SLC41A3: variants seen among roughly 807,000 people sequenced by gnomAD.
The protein encoded by SLC41A3 is SLC41A1-like 2.
In SLC41A3, 44 loss-of-function variants were observed where a neutral mutation model predicts 45.4. The ratio of observed to expected loss-of-function variants is 0.97; its 90% CI spans 0.76 to 1.25. SLC41A3 has a LOEUF of 1.25. Ranked by LOEUF, SLC41A3 falls within the 50% of genes most tolerant of loss-of-function variation. The pLI is 0.00. For synonymous variants in SLC41A3, 256 were observed against 252.4 expected (o/e 1.01, Z -0.13); for missense variants, 550 against 600.6 (o/e 0.92, Z 0.88).
intron 2 of SLC41A3, chr3:126,056,566 A>C: frequency 1.2e-6 from 2 of 1,611,394 alleles, no homozygotes; most frequent in South Asian, 2.2e-5. Flanking sequence ...CAGGCAATGC[A>C]CCACGATCCC....
chr3:126,092,582 C>G (rs949430706), intron 1 of SLC41A3: 2 of 152,886 alleles, frequency 1.3e-5, no homozygotes, highest in Non-Finnish European at 2.9e-5. Flanking sequence ...GGGTTAGAGT[C>G]TCCCCGACTG....
At chr3:126,101,175 C>T (rs889846871) in intron 1 of SLC41A3, among the ~76,000 whole-genome samples, 3 of 152,190 alleles carry the variant, frequency 2.0e-5, no homozygotes, top group Non-Finnish European at 2.9e-5. Context: ...TTCCAGCCAG[C>T]CCGGGGAGGG....
intron 6 of SLC41A3, among the ~76,000 whole-genome samples, chr3:126,022,396 G>A (rs1397611995): frequency 6.6e-6 from 1 of 152,212 alleles, no homozygotes; most frequent in African/African-American, 2.4e-5. Context: ...GGTTGTGGAG[G>A]CTGAAGAACC....
At chr3:126,091,079 C>A (rs1222715574) in intron 1 of SLC41A3, among the ~76,000 whole-genome samples, 1 of 152,104 alleles carries the variant, frequency 6.6e-6, no homozygotes, top group Admixed American at 6.5e-5. Flanking sequence ...TCTCACAGGG[C>A]CACATGGAAC....
intron 1 of SLC41A3, among the ~76,000 whole-genome samples, chr3:126,072,720 A>G (rs1944686148): frequency 6.6e-6 from 1 of 152,224 alleles, no homozygotes; most frequent in Non-Finnish European, 1.5e-5. Context: ...GTGATTTCTC[A>G]AAGAACTTAA....
At chr3:126,020,265 T>G (rs900489368) in intron 6 of SLC41A3, among the ~76,000 whole-genome samples, 1 of 152,068 alleles carries the variant, frequency 6.6e-6, no homozygotes, top group Non-Finnish European at 1.5e-5. Context: ...GCCTGTCCCC[T>G]GAAACGATTC....
chr3:126,059,807 G>T (rs951903374), intron 2 of SLC41A3, among the ~76,000 whole-genome samples: 1 of 152,184 alleles, frequency 6.6e-6, no homozygotes, highest in Non-Finnish European at 1.5e-5. Context: ...AGAGTCCTCT[G>T]TCTTTAAGGC....
chr3:126,033,513 G>A (rs1941955647), intron 4 of SLC41A3, 94 bp downstream of exon 4: 2 of 1,353,160 alleles, frequency 1.5e-6, no homozygotes, highest in South Asian at 1.2e-5. Context: ...AGGCCAGAGT[G>A]CAGGGACAAG....
intron 2 of SLC41A3, among the ~76,000 whole-genome samples, chr3:126,060,018 A>G (rs1943970032): frequency 6.6e-6 from 1 of 152,244 alleles, no homozygotes; most frequent in African/African-American, 2.4e-5. Context: ...CCTCATCAGC[A>G]CAGGAGACGC....
chr3:126,033,886 G>T (rs763665665), intron 3 of SLC41A3, among the ~76,000 whole-genome samples: 1 of 151,926 alleles, frequency 6.6e-6, no homozygotes, highest in Non-Finnish European at 1.5e-5. Context: ...AGACCCCTTT[G>T]AGAACTGGAT....
chr3:126,070,331 G>A (rs1184951374), intron 1 of SLC41A3: 1 of 152,264 alleles, frequency 6.6e-6, no homozygotes, highest in African/African-American at 2.4e-5. Context: ...GGCAGCATCA[G>A]ATCCTCATAG....
rs550385179 is a variant in SLC41A3 at position 126,067,716 on chromosome 3, G to A, written c.273+231C>T. ...AAGGGAAATGATTAAGTAAATTTTGGTCTACATCAATCATATGGGCTAATA... is the reference window on the plus strand; with the variant it reads ...AAGGGAAATGATTAAGTAAATTTTGATCTACATCAATCATATGGGCTAATA... On this transcript the variant is annotated intron_variant, in intron 2 of 10. Coordinates refer to ENST00000360370, the MANE Select transcript of SLC41A3 (RefSeq NM_017836.4). The A allele has an allele frequency of 1.1e-3, 667 of 587,648 alleles. 10 individuals are homozygous for A. The South Asian group carries it at 0.014, about 12-fold the overall frequency. The allele number at this position is 587,648 out of a possible 1,614,324, so 36.4% of individuals were successfully genotyped here. A position where few individuals can be genotyped will look rare whatever the true frequency, so the allele number is the denominator to read the frequency against.
At chr3:126,080,521 T>C (rs1279945874) in intron 1 of SLC41A3, among the ~76,000 whole-genome samples, 2 of 152,204 alleles carry the variant, frequency 1.3e-5, no homozygotes, top group African/African-American at 4.8e-5. Flanking sequence ...TCCCACCCCA[T>C]TTTAAATGGC....
intron 1 of SLC41A3, 86 bp from the exon 2 acceptor site, chr3:126,068,332 C>CA (rs75194127): frequency 5.3e-6 from 7 of 1,308,550 alleles, no homozygotes; most frequent in Non-Finnish European, 7.0e-6. Flanking sequence ...CCTGTCCAGC[C>CA]CCAGGCCGGC....
chr3:126,051,565 A>C (rs77770437), intron 2 of SLC41A3, among the ~76,000 whole-genome samples: 1 of 152,238 alleles, frequency 6.6e-6, no homozygotes, highest in Admixed American at 6.5e-5. Flanking sequence ...TTTTAAAAAC[A>C]GATAGAATAT....
chr3:126,055,414 T>C (rs1398270985), intron 2 of SLC41A3, among the ~76,000 whole-genome samples: 1 of 151,920 alleles, frequency 6.6e-6, no homozygotes, highest in African/African-American at 2.4e-5. Context: ...ACTTGGGAGC[T>C]GAGGCAGGAG....
rs186906182 is a variant in SLC41A3, at chr3:126,029,533, T to C, written c.454-3054A>G. 4.7e-4 allele frequency among the ~76,000 whole-genome samples: 72 copies of C among 152,360 alleles called. 1 individual carries two copies. The East Asian group carries it at 0.01, about 22-fold the overall frequency. ...GGAACCATAAGCCAATTAAACTTCTTTTCTTTATAAATTACCCAGTCTCAG... is the reference window on the plus strand; with the variant it reads ...GGAACCATAAGCCAATTAAACTTCTCTTCTTTATAAATTACCCAGTCTCAG... On this transcript the variant is annotated intron_variant, in intron 4 of 10. Coordinates refer to ENST00000360370, the MANE Select transcript of SLC41A3 (RefSeq NM_017836.4).
intron 4 of SLC41A3, among the ~76,000 whole-genome samples, chr3:126,029,531 C>A (rs1341259364): frequency 1.3e-5 from 2 of 152,188 alleles, no homozygotes; most frequent in African/African-American, 4.8e-5. Flanking sequence ...AATTAAACTT[C>A]TTTTCTTTAT....
chr3:126,067,495 C>A, intron 2 of SLC41A3: 1 of 376,936 alleles, frequency 2.7e-6, no homozygotes, highest in Admixed American at 3.2e-5. Flanking sequence ...CCTGAAGACA[C>A]GGAGAAAAGG....
Sources: allele counts gnomAD v4.1 joint callset (sites outside exome capture counted in the v4.1 genomes callset), GRCh38; gene constraint gnomAD v4.1.1; transcripts MANE v1.5; gene names NCBI Gene and HGNC (gene_info 2026-07-23, HGNC 2026-07-21).